The following KCNG1 variants were observed in gnomAD, a reference collection of about 807,000 sequenced individuals.
KCNG1 encodes potassium voltage-gated channel modifier subfamily G member 1, also known as voltage-gated potassium channel regulatory subunit KCNG1.
KCNG1 carries 17 observed loss-of-function variants against 32.4 expected under a neutral mutation model. The ratio of observed to expected loss-of-function variants is 0.52; its 90% CI spans 0.36 to 0.79. The LOEUF (loss-of-function observed/expected upper bound fraction) is 0.79, where lower values mean the gene tolerates loss of function less well. KCNG1 is among the 30% of genes least tolerant of loss of function. The pLI is 0.00. For missense variants in KCNG1, 441 were observed against 735.2 expected (o/e 0.60, Z 4.63); for synonymous variants, 358 against 339.9 (o/e 1.05, Z -0.59).
chr20:51,008,014 T>G (rs1264193822), intron 2 of KCNG1: 1 of 152,220 alleles, frequency 6.6e-6, no homozygotes. Context: ...ACTTAGCACA[T>G]GCAGGGTATA....
rs2123296149 is a variant in KCNG1 at position 51,023,069 on chromosome 20, C to G, written c.-226G>C. ...CTCCCGCCCTCGGAGCCACGGCCGC[C>G]CCGTCTCTGCCTCCCGGTCCCCGCC... On this transcript the variant is annotated 5_prime_UTR_variant, in exon 1 of 3. Coordinates refer to ENST00000371571, the MANE Select transcript of KCNG1 (RefSeq NM_002237.4). The G allele has an allele frequency of 6.6e-6, 1 of 152,288 alleles. No homozygotes were observed. Among genetic ancestry groups the G allele is most frequent in the Non-Finnish European group, 1.5e-5 (1 of 68,018 alleles). The allele number at this position is 152,288 out of a possible 1,614,324, so 9.4% of individuals were successfully genotyped here.
intron 1 of KCNG1, among the ~76,000 whole-genome samples, chr20:51,013,195 G>C: frequency 6.6e-6 from 1 of 152,034 alleles, no homozygotes; most frequent in East Asian, 1.9e-4. Flanking sequence ...CCAGCTACTC[G>C]GGAGGCTGAG....
At chr20:51,020,793 G>A (rs1988453036) in intron 1 of KCNG1, among the ~76,000 whole-genome samples, 1 of 152,156 alleles carries the variant, frequency 6.6e-6, no homozygotes, top group Non-Finnish European at 1.5e-5. Context: ...CTCGGAGCTG[G>A]TTTGCGTCGC....
rs1233936489 is a variant in KCNG1, at chr20:51,009,666, G to A, written c.673C>T (p.Pro225Ser). The change falls in exon 2 of 3, where the codon CCT becomes TCT. Residue 225 changes from proline (P) to serine (S), a missense_variant. Coordinates refer to ENST00000371571, the MANE Select transcript of KCNG1 (RefSeq NM_002237.4). The stretch of plus-strand genomic sequence containing the variant: ...GACAGGCAGGCGAACACCTTGCCAG[G>A]CAGCCCCGAGTGCGGCCTCTCCACC... ...DMVERPHSGL[P>S]GKVFACLSVL... The A allele has an allele frequency of 5.0e-6, 8 of 1,605,240 alleles. No individual in the cohort carries two copies. Among genetic ancestry groups the A allele is most frequent in the Non-Finnish European group, 6.8e-6 (8 of 1,179,182 alleles).
rs1987980159 is a variant in KCNG1 at position 51,009,631 on chromosome 20, G to A, written c.708C>T (p.Phe236=). Residue 236 remains phenylalanine (F), a synonymous_variant, in exon 2 of 3, where the codon TTC becomes TTT. Coordinates refer to ENST00000371571, the MANE Select transcript of KCNG1 (RefSeq NM_002237.4). The part of the protein sequence containing the change: ...GKVFACLSVL[F]VTVTAVNLSV... ...AGAGGTTGACGGCGGTGACGGTCAC[G>A]AAGAGCACCGACAGGCAGGCGAACA... 5 of 1,610,462 alleles carry A rather than the reference G, an allele frequency of 3.1e-6. No individual in the cohort carries two copies. The highest frequency in any genetic ancestry group is 4.2e-6 in the Non-Finnish European group (5 of 1,179,644).
At position 51,004,544 on chromosome 20, in the gene KCNG1, C is replaced by T; in HGVS notation, c.1037G>A (p.Arg346Gln). Residue 346 changes from arginine (R) to glutamine (Q), a missense_variant, in exon 3 of 3, where the codon CGG (arginine) becomes CAG (glutamine). By Grantham distance (43) the Arg-to-Gln change is conservative. This residue lies in a region of KCNG1 where 169 missense variants were observed against 297.7 expected (regional missense o/e 0.57). Transcript: ENST00000371571. This position sits in a 1 kb window ranked among gnomAD's most constrained non-coding sequence, Gnocchi z 4.3. ...DKVGLVLRVLRALRILYVMRL... is the reference protein window; with the variant it reads ...DKVGLVLRVLQALRILYVMRL... Reference sequence around the variant, plus strand: ...CATCACGTACAGGATGCGCAGCGCCCGCAGCACGCGCAGCACCAGCCCCAC... The same window carrying T: ...CATCACGTACAGGATGCGCAGCGCCTGCAGCACGCGCAGCACCAGCCCCAC... 1 of 1,582,160 alleles carries T rather than the reference C, an allele frequency of 6.3e-7. No individual in the cohort carries two copies. The highest frequency in any genetic ancestry group is 8.6e-7 in the Non-Finnish European group (1 of 1,165,042).
At chr20:51,016,438 A>G (rs1433041950) in intron 1 of KCNG1, among the ~76,000 whole-genome samples, 1 of 149,020 alleles carries the variant, frequency 6.7e-6, no homozygotes, top group African/African-American at 2.5e-5. Flanking sequence ...CTCTGTCTTG[A>G]AAAAAAAAAG....
Position 51,004,836 on chromosome 20 carries a change from G to C in KCNG1, c.775-30C>G. The C allele has an allele frequency of 6.7e-7, 1 of 1,501,318 alleles. No homozygotes were observed. The highest frequency in any genetic ancestry group is 8.9e-7 in the Non-Finnish European group (1 of 1,120,036). 93.0% of individuals were successfully genotyped at this position (1,501,318 alleles called of 1,614,324 possible). A position where few individuals can be genotyped will look rare whatever the true frequency, so the allele number is the denominator to read the frequency against. On this transcript the variant is annotated intron_variant, in intron 2 of 2. Coordinates refer to ENST00000371571, the MANE Select transcript of KCNG1 (RefSeq NM_002237.4). This position sits in a 1 kb window ranked among gnomAD's most constrained non-coding sequence, Gnocchi z 4.3. ...GAGAGAGGGGAAGGGACGCCGGAGG[G>C]GTCAGCGGGCCCTCCAGGAAAGGAG...
chr20:51,020,326 C>T (rs886658455), intron 1 of KCNG1, among the ~76,000 whole-genome samples: 3 of 151,986 alleles, frequency 2.0e-5, no homozygotes, highest in Admixed American at 6.6e-5. Flanking sequence ...GACCTCAGGA[C>T]GGCAGGAAGG....
rs1183269938 is a variant in KCNG1 at position 51,003,994 on chromosome 20, G to C, written c.*45C>G. ...CAGGCGTCTGCAGTGGATGGCAATG[G>C]CTTCGGGCCACAGATGGCAGGCAGG... On this transcript the variant is annotated 3_prime_UTR_variant, in exon 3 of 3. Transcript: ENST00000371571. The C allele has an allele frequency of 6.3e-7, 1 of 1,585,308 alleles. No individual in the cohort carries two copies. The highest frequency in any genetic ancestry group is 8.6e-7 in the Non-Finnish European group (1 of 1,164,430).
At position 51,004,904 on chromosome 20, in the gene KCNG1, A is replaced by G; in HGVS notation, c.775-98T>C. ...GTGCCCTGCTGGGCTTCCCAGGCGGAAGGTGACCTCTCCAGGTTGAGTGGC... is the reference window on the plus strand; with the variant it reads ...GTGCCCTGCTGGGCTTCCCAGGCGGGAGGTGACCTCTCCAGGTTGAGTGGC... On this transcript the variant is annotated intron_variant, in intron 2 of 2. Transcript: ENST00000371571. The surrounding 1 kb of genome is among the most constrained non-coding windows in gnomAD (Gnocchi z 4.3). 1 of 1,292,234 alleles carries G rather than the reference A, an allele frequency of 7.7e-7. No individual in the cohort carries two copies. The highest frequency in any genetic ancestry group is 1.5e-5 in the African/African-American group (1 of 66,548). 80.0% of individuals were successfully genotyped at this position (1,292,234 alleles called of 1,614,324 possible).
In KCNG1 at chr20:51,015,709, C is replaced by G. The variant is rs1449075353; in HGVS notation, c.-26-5345G>C. On this transcript the variant is annotated intron_variant, in intron 1 of 2. Transcript: ENST00000371571. This position sits in a 1 kb window ranked among gnomAD's most constrained non-coding sequence, Gnocchi z 4.4. ...TAATCCTAATCCCTGGAAGCTGTGA[C>G]TACGTTAGACTGCATGGAAGGAGGA... 6.6e-6 allele frequency among the ~76,000 whole-genome samples: 1 copy of G among 152,226 alleles called. No homozygotes were observed. Among genetic ancestry groups the G allele is most frequent in the Non-Finnish European group, 1.5e-5 (1 of 68,034 alleles).
At chr20:51,016,984 G>T (rs1390132637) in intron 1 of KCNG1, among the ~76,000 whole-genome samples, 1 of 152,188 alleles carries the variant, frequency 6.6e-6, no homozygotes, top group Non-Finnish European at 1.5e-5. Flanking sequence ...CCACTTCTGG[G>T]TATATTTCCC....
intron 1 of KCNG1, among the ~76,000 whole-genome samples, chr20:51,018,796 C>T (rs1471306103): frequency 6.6e-6 from 1 of 152,216 alleles, no homozygotes; most frequent in Non-Finnish European, 1.5e-5. Flanking sequence ...CAGAATTAAA[C>T]TAGATCTGTG....
chr20:51,014,624 C>T (rs982422439), intron 1 of KCNG1, among the ~76,000 whole-genome samples: 1 of 152,178 alleles, frequency 6.6e-6, no homozygotes, highest in African/African-American at 2.4e-5. Flanking sequence ...GTATTAGAGC[C>T]GGAGACACGG....
chr20:51,010,927 C>CAA (rs978296613), intron 1 of KCNG1, among the ~76,000 whole-genome samples: 9 of 8,700 alleles, frequency 1.0e-3, no homozygotes, highest in South Asian at 5.3e-3. Flanking sequence ...CAAAACAAAA[C>CAA]AAAAAAAAAA....
At chr20:51,010,622 C>T (rs1205383648) in intron 1 of KCNG1, among the ~76,000 whole-genome samples, 4 of 152,112 alleles carry the variant, frequency 2.6e-5, no homozygotes, top group African/African-American at 7.2e-5. Flanking sequence ...AGGCCGGGCG[C>T]GGTGGCTCAC....
chr20:51,008,064 C>G (rs899575343), intron 2 of KCNG1: 2 of 152,178 alleles, frequency 1.3e-5, no homozygotes, highest in South Asian at 4.1e-4. Flanking sequence ...ATGATATTTA[C>G]GTTCAGTTCA....
Position 51,004,989 on chromosome 20 carries a change from A to C in KCNG1, c.775-183T>G. 1 of 552,758 alleles carries C rather than the reference A, an allele frequency of 1.8e-6. No individual in the cohort carries two copies. Among genetic ancestry groups the C allele is most frequent in the Non-Finnish European group, 3.1e-6 (1 of 323,166 alleles). The allele number at this position is 552,758 out of a possible 1,614,324, so 34.2% of individuals were successfully genotyped here. ...GCCTGGGGCACTAAGCACCATCTCT[A>C]CACTGGCCGCTCCTCATCTCTCTCT... is the stretch of plus-strand genomic sequence containing the variant. On this transcript the variant is annotated intron_variant, in intron 2 of 2. Transcript: ENST00000371571. This position sits in a 1 kb window ranked among gnomAD's most constrained non-coding sequence, Gnocchi z 4.3.
Sources: gnomAD v4.1 joint callset for allele counts (sites outside exome capture counted in the v4.1 genomes callset) on GRCh38, gnomAD v4.1.1 for gene constraint, gnomAD v4.1.1 regional missense constraint, Gnocchi (gnomAD v3.1) non-coding constraint, MANE v1.5 for transcripts, NCBI Gene and HGNC (gene_info 2026-07-23, HGNC 2026-07-21) for gene names.